SOCS2: variants seen among roughly 807,000 people sequenced by gnomAD.
SOCS2 encodes CIS-2.
A neutral mutation model predicts 18.6 loss-of-function variants in SOCS2; 10 were observed. The observed-to-expected ratio is 0.54, with a 90% CI of 0.33 to 0.91. SOCS2 has a LOEUF of 0.91. Among genes scored for constraint, SOCS2 ranks in the 40% least tolerant of loss-of-function variants. The probability of loss-of-function intolerance (pLI) is 0.02; values close to 1 mark genes in which losing one functional copy is unlikely to be tolerated. For missense variants in SOCS2, 231 were observed against 247.2 expected, an observed-to-expected ratio of 0.93 and a Z score of 0.44; for synonymous variants, 104 against 104.0, an observed-to-expected ratio of 1.00 and a Z score of 0.00.
the SOCS2 span, among the ~76,000 whole-genome samples, chr12:93,591,413 G>C: frequency 3.3e-5 from 5 of 152,212 alleles, no homozygotes; most frequent in South Asian, 8.3e-4. Flanking sequence ...AGGAGAAAGC[G>C]TGTGTGCGTT....
exon 2 of SOCS2, chr12:93,583,413 G>A (rs2136714590): frequency 6.6e-6 from 1 of 152,062 alleles, no homozygotes; most frequent in Non-Finnish European, 1.5e-5. Flanking sequence ...AAAAGTAAAG[G>A]AAACAAAAAA....
chr12:93,613,188 T>C, the SOCS2 span, among the ~76,000 whole-genome samples: 29 of 152,326 alleles, frequency 1.9e-4, no homozygotes, highest in African/African-American at 5.8e-4. Flanking sequence ...TTTTCTCCTT[T>C]TGAATGAGAA....
At chr12:93,600,792 ATT>A in the SOCS2 span, among the ~76,000 whole-genome samples, 2 of 138,496 alleles carry the variant, frequency 1.4e-5, no homozygotes, top group Non-Finnish European at 1.6e-5. Flanking sequence ...TATTATTTTC[ATT>A]TTTTTTTTTT....
At chr12:93,613,086 C>T in the SOCS2 span, among the ~76,000 whole-genome samples, 2 of 152,158 alleles carry the variant, frequency 1.3e-5, no homozygotes, top group African/African-American at 4.8e-5. Context: ...TCTATCAGAG[C>T]CTGTGTGGAG....
chr12:93,584,379 G>T (rs985079120), downstream of SOCS2, among the ~76,000 whole-genome samples: 1 of 152,018 alleles, frequency 6.6e-6, no homozygotes, highest in Non-Finnish European at 1.5e-5. Flanking sequence ...AGATTTTTGG[G>T]GTCTAGTGCA....
chr12:93,605,621 AC>A, the SOCS2 span, among the ~76,000 whole-genome samples: 1 of 152,376 alleles, frequency 6.6e-6, no homozygotes, highest in South Asian at 2.1e-4. Flanking sequence ...TTTGTAATTA[AC>A]AAAAAGGAAT....
chr12:93,591,930 C>T, the SOCS2 span, among the ~76,000 whole-genome samples: 7 of 152,168 alleles, frequency 4.6e-5, no homozygotes, highest in Non-Finnish European at 1.0e-4. Context: ...TATAGATTGT[C>T]CCAGATAAGA....
At chr12:93,604,091 T>C in the SOCS2 span, among the ~76,000 whole-genome samples, 2 of 152,158 alleles carry the variant, frequency 1.3e-5, no homozygotes, top group African/African-American at 2.4e-5. Flanking sequence ...CGTTGCGGTG[T>C]TGGCCTCTTC....
chr12:93,614,551 CTTT>C, the SOCS2 span, among the ~76,000 whole-genome samples: 2 of 29,366 alleles, frequency 6.8e-5, no homozygotes, highest in Non-Finnish European at 1.2e-4. Context: ...TTCTTTCTTT[CTTT>C]CTTTCTTTCT....
At chr12:93,573,281 A>G in intron 1 of SOCS2, 2 of 591,406 alleles carry the variant, frequency 3.4e-6, no homozygotes, top group Non-Finnish European at 6.0e-6. Flanking sequence ...ATAGCTTCTT[A>G]GCACGCTGGA....
In SOCS2 at chr12:93,575,066, T is replaced by C; in HGVS notation, c.484T>C (p.Ser162Pro). Residue 162 changes from serine to proline, a missense_variant, in exon 2 of 2, where the codon TCT becomes CCT. Around this residue, in one of 3 missense-constraint regions of SOCS2, gnomAD observed 122 missense variants for 127.2 expected, o/e 0.96. Transcript: ENST00000551556. ...CAAACCGCTCTACACGTCAGCACCA[T>C]CTCTGCAGCATCTCTGTAGGCTCAC... ...LTKPLYTSAPSLQHLCRLTIN... is the reference protein window; with the variant it reads ...LTKPLYTSAPPLQHLCRLTIN... The C allele has an allele frequency of 6.2e-7, 1 of 1,614,126 alleles. No homozygotes were observed. The highest frequency in any genetic ancestry group is 8.5e-7 in the Non-Finnish European group (1 of 1,179,996).
intron 1 of SOCS2, chr12:93,573,345 G>C: frequency 6.0e-6 from 3 of 503,480 alleles, no homozygotes; most frequent in Non-Finnish European, 6.9e-6. Flanking sequence ...CTCGAACCCC[G>C]GCCGGGGAAA....
upstream of SOCS2, chr12:93,572,656 T>C: frequency 1.4e-6 from 1 of 697,642 alleles, no homozygotes; most frequent in Non-Finnish European, 2.6e-6. This position sits in a 1 kb window ranked among gnomAD's most constrained non-coding sequence, Gnocchi z 5.0. Flanking sequence ...CAGTTTGGAC[T>C]GACCCAACCT....
chr12:93,619,938 T>A, the SOCS2 span, among the ~76,000 whole-genome samples: 1 of 152,226 alleles, frequency 6.6e-6, no homozygotes, highest in Admixed American at 6.5e-5. Flanking sequence ...TAGCAACTGT[T>A]ATATATCTTC....
the SOCS2 span, among the ~76,000 whole-genome samples, chr12:93,626,194 T>C: frequency 1.3e-5 from 2 of 152,144 alleles, no homozygotes; most frequent in African/African-American, 4.8e-5. Context: ...CTCTTAACAA[T>C]GTACTCCTTG....
At position 93,573,041 on chromosome 12, in the gene SOCS2, G is replaced by C. The variant is rs770812619; in HGVS notation, c.139+5G>C. ...TGCGGGAGCTCGGTCAGACAGGTAGGGAGCCGATCGGCCGCGACGCGTGCG... is the reference window on the plus strand; with the variant it reads ...TGCGGGAGCTCGGTCAGACAGGTAGCGAGCCGATCGGCCGCGACGCGTGCG... On this transcript the variant is annotated splice_donor_5th_base_variant and intron_variant, in intron 1 of 1. Coordinates refer to ENST00000551556, the MANE Select transcript of SOCS2 (RefSeq NM_001270471.2). 1.9e-6 allele frequency: 3 copies of C among 1,561,034 alleles called. No individual in the cohort carries two copies. The highest frequency in any genetic ancestry group is 2.6e-6 in the Non-Finnish European group (3 of 1,158,464).
chr12:93,612,242 C>T, the SOCS2 span, among the ~76,000 whole-genome samples: 3 of 152,226 alleles, frequency 2.0e-5, no homozygotes, highest in Non-Finnish European at 4.4e-5. Flanking sequence ...ACTGCCTTTC[C>T]ATGAATACTC....
the SOCS2 span, among the ~76,000 whole-genome samples, chr12:93,605,272 C>G: frequency 2.4e-4 from 37 of 152,230 alleles, no homozygotes; most frequent in South Asian, 7.5e-3. Context: ...GTTACACACA[C>G]TATATAACTA....
chr12:93,590,891 G>A, the SOCS2 span, among the ~76,000 whole-genome samples: 1 of 146,658 alleles, frequency 6.8e-6, no homozygotes, highest in Admixed American at 6.8e-5. Context: ...TATTTGAAGA[G>A]CAAATTAGGT....
Sources: allele counts gnomAD v4.1 joint callset (sites outside exome capture counted in the v4.1 genomes callset), GRCh38; gene constraint gnomAD v4.1.1; regional missense constraint gnomAD v4.1.1; non-coding constraint Gnocchi (gnomAD v3.1); transcripts MANE v1.5; gene names NCBI Gene and HGNC (gene_info 2026-07-23, HGNC 2026-07-21).